Variants in EXD3 observed in about 807,000 individuals in gnomAD.
EXD3 encodes exonuclease mut-7 homolog.
EXD3 carries 92 observed loss-of-function variants against 98.0 expected under a neutral mutation model. The ratio of observed to expected loss-of-function variants is 0.94; its 90% CI spans 0.79 to 1.12. EXD3 has a LOEUF of 1.12. Among genes scored for constraint, EXD3 ranks in the 50% most tolerant of loss-of-function variants. EXD3 has a pLI of 0.00. For missense variants in EXD3, 1,222 were observed against 1,191.6 expected, an observed-to-expected ratio of 1.03 and a Z score of -0.38; for synonymous variants, 569 against 526.0, an observed-to-expected ratio of 1.08 and a Z score of -1.12.
intron 1 of EXD3, among the ~76,000 whole-genome samples, chr9:137,421,634 C>T (rs977859517): frequency 2.0e-5 from 3 of 152,260 alleles, no homozygotes; most frequent in Admixed American, 6.5e-5. Flanking sequence ...CTCAGGAGTT[C>T]GAGACTAGCC....
intron 2 of EXD3, among the ~76,000 whole-genome samples, chr9:137,383,777 C>G (rs916150031): frequency 6.6e-6 from 1 of 152,226 alleles, no homozygotes; most frequent in Admixed American, 6.5e-5. Context: ...CCTGGCACCA[C>G]GAGGACCCCA....
chr9:137,382,061 A>T (rs182646721), intron 3 of EXD3, among the ~76,000 whole-genome samples: 14 of 105,542 alleles, frequency 1.3e-4, no homozygotes, highest in African/African-American at 4.5e-4. Flanking sequence ...GGGCGCGCGG[A>T]GGAGGTGAGG....
chr9:137,374,883 G>T, intron 3 of EXD3: 1 of 984,668 alleles, frequency 1.0e-6, no homozygotes, highest in Non-Finnish European at 1.2e-6. Flanking sequence ...TCTAACTCTA[G>T]TGAGTCCTGG....
At chr9:137,353,628 G>A in intron 10 of EXD3, 1 of 986,140 alleles carries the variant, frequency 1.0e-6, no homozygotes, top group Middle Eastern at 5.2e-4. Context: ...CCCAGCCCAG[G>A]AGCAGAGGCA....
intron 1 of EXD3, among the ~76,000 whole-genome samples, chr9:137,402,468 G>C (rs1438298013): frequency 1.3e-5 from 2 of 152,182 alleles, no homozygotes; most frequent in Non-Finnish European, 2.9e-5. Flanking sequence ...TTTGCTAAAA[G>C]ATAACAAGAG....
intron 16 of EXD3, among the ~76,000 whole-genome samples, chr9:137,348,677 C>T (rs1834078832): frequency 2.0e-5 from 1 of 49,638 alleles, no homozygotes; most frequent in African/African-American, 8.6e-5. Context: ...GTGGGGATCA[C>T]GGGGAGGGGT....
rs911492390 is a variant in EXD3, at chr9:137,354,711, G to A, written c.820C>T (p.Arg274Trp). 19 of 1,610,880 alleles carry A rather than the reference G, an allele frequency of 1.2e-5. No homozygotes were observed. The highest frequency in any genetic ancestry group is 1.5e-5 in the Non-Finnish European group (18 of 1,179,694). The change falls in exon 9 of 22, where the codon CGG becomes TGG. Residue 274 changes from arginine (R) to tryptophan (W), a missense_variant. By Grantham distance (101) the Arg-to-Trp change is moderately radical. Transcript: ENST00000340951. ...TCCTGCTCACGAACCTCCACAAACC[G>A]CTTGTGGCACAGGTGCCGCAGGGCC... ...LAALRHLCHK[R>W]FVEKSLSQEN...
intron 1 of EXD3, among the ~76,000 whole-genome samples, chr9:137,398,135 T>C (rs937362262): frequency 4.6e-5 from 7 of 152,168 alleles, no homozygotes; most frequent in African/African-American, 7.2e-5. Flanking sequence ...AGTCAGTGAA[T>C]CTGAAAACAG....
intron 17 of EXD3, among the ~76,000 whole-genome samples, chr9:137,333,305 C>T (rs1833187943): frequency 6.6e-6 from 1 of 152,206 alleles, no homozygotes; most frequent in Admixed American, 6.5e-5. Context: ...CCACCACTGG[C>T]TTCCTGGCTC....
chr9:137,365,971 C>T (rs1265129237), intron 7 of EXD3: 2 of 530,932 alleles, frequency 3.8e-6, no homozygotes, highest in African/African-American at 1.9e-5. Context: ...CACGTGCACA[C>T]ACAGAGACAC....
rs560190764 is a variant in EXD3 at position 137,307,164 on chromosome 9, G to A, written c.2417C>T (p.Ala806Val). ...DLRAETPDML[A>V]DGTRLQLAGV... ...TGCCAGCTGCAGCCGGGTGCCGTCGGCCAGCATGTCCGGTGTCTCCGCCCG... is the reference window on the plus strand; with the variant it reads ...TGCCAGCTGCAGCCGGGTGCCGTCGACCAGCATGTCCGGTGTCTCCGCCCG... The change falls in exon 22 of 22, where the codon GCC (alanine) becomes GTC (valine). Residue 806 changes from alanine to valine, a missense_variant. Physicochemically the swap from Ala to Val is moderately conservative, Grantham distance 64 (BLOSUM62 0). Coordinates refer to ENST00000340951, the MANE Select transcript of EXD3 (RefSeq NM_017820.5). The A allele has an allele frequency of 4.2e-5, 66 of 1,589,730 alleles. No individual in the cohort carries two copies. Among genetic ancestry groups the A allele is most frequent in the South Asian group, 3.7e-4 (33 of 88,314 alleles).
At chr9:137,337,520 G>A (rs953116592) in intron 17 of EXD3, among the ~76,000 whole-genome samples, 4 of 151,824 alleles carry the variant, frequency 2.6e-5, no homozygotes, top group South Asian at 2.1e-4. Context: ...GTGTGGTGGC[G>A]GACACCTGTA....
In EXD3 at chr9:137,365,754, GCACA is replaced by G. The variant is rs529700133; in HGVS notation, c.656+735_656+738del. The G allele has an allele frequency of 1.2e-3, 377 of 313,958 alleles. 2 individuals are homozygous for G. Among genetic ancestry groups the G allele is most frequent in the African/African-American group, 8.0e-3 (350 of 43,986 alleles). 19.4% of individuals were successfully genotyped at this position (313,958 alleles called of 1,614,324 possible). Reference sequence around the variant, plus strand: ...CACACCTACAGGCACACACATACATGCACACACACACCACATGCACGAAAACACA... The same window carrying G: ...CACACCTACAGGCACACACATACATGCACACACCACATGCACGAAAACACA... On this transcript the variant is annotated intron_variant, in intron 7 of 21. Coordinates refer to ENST00000340951, the MANE Select transcript of EXD3 (RefSeq NM_017820.5).
chr9:137,332,602 G>A (rs975384890), intron 17 of EXD3, among the ~76,000 whole-genome samples: 3 of 151,870 alleles, frequency 2.0e-5, no homozygotes, highest in Non-Finnish European at 4.4e-5. Flanking sequence ...CCAGCACTTT[G>A]GGAGGCCAAG....
intron 17 of EXD3, among the ~76,000 whole-genome samples, chr9:137,325,673 T>G (rs1306673910): frequency 6.6e-6 from 1 of 152,148 alleles, no homozygotes; most frequent in Non-Finnish European, 1.5e-5. Context: ...CCTCAGGTGA[T>G]CTGTCTGCCT....
intron 1 of EXD3, among the ~76,000 whole-genome samples, chr9:137,416,409 C>T (rs578154675): frequency 7.5e-4 from 115 of 152,364 alleles, no homozygotes; most frequent in Non-Finnish European, 5.4e-4. Flanking sequence ...CCAGCTCACA[C>T]TCCACCGCAG....
intron 1 of EXD3, among the ~76,000 whole-genome samples, chr9:137,400,090 C>T (rs558531629): frequency 3.3e-5 from 5 of 151,936 alleles, no homozygotes; most frequent in African/African-American, 4.8e-5. Flanking sequence ...CTGATAAACC[C>T]GTCAGATCTC....
chr9:137,417,507 T>C lies in EXD3; in HGVS notation c.-48+5607A>G, dbSNP rs899923945. 7.9e-5 allele frequency among the ~76,000 whole-genome samples: 12 copies of C among 152,090 alleles called. No individual in the cohort carries two copies. The South Asian group carries it at 2.5e-3, about 32-fold the overall frequency. ...CCACACCCCACAGCCCACCCGTTCC[T>C]CGGAAAGTCGAACACAGCGACCACG... On this transcript the variant is annotated intron_variant, in intron 1 of 21. Transcript: ENST00000340951.
chr9:137,353,036 G>A lies in EXD3; in HGVS notation c.871-250C>T, dbSNP rs137991577. On this transcript the variant is annotated intron_variant, in intron 10 of 21. Transcript: ENST00000340951. ...CCAGTGTAGCCCCGGCTGGCCTTCCGGGTCTCCAAGCCTGAGGTGAAGGCT... is the reference window on the plus strand; with the variant it reads ...CCAGTGTAGCCCCGGCTGGCCTTCCAGGTCTCCAAGCCTGAGGTGAAGGCT... The A allele has an allele frequency of 1.3e-3, 1,690 of 1,326,974 alleles. 8 individuals carry two copies. In the African/African-American group the frequency reaches 0.018, roughly 14 times the overall value. 82.2% of individuals were successfully genotyped at this position (1,326,974 alleles called of 1,614,324 possible).
Sources: gnomAD v4.1 joint callset for allele counts (sites outside exome capture counted in the v4.1 genomes callset) on GRCh38, gnomAD v4.1.1 for gene constraint, MANE v1.5 for transcripts, NCBI Gene and HGNC (gene_info 2026-07-23, HGNC 2026-07-21) for gene names.